Variants in PABPC4L observed in about 807,000 individuals in gnomAD.
PABPC4L encodes polyadenylate-binding protein 4-like.
For missense variants in PABPC4L, 452 were observed against 451.4 expected (o/e 1.00, Z -0.01); for synonymous variants, 169 against 164.1 (o/e 1.03, Z -0.23).
chr4:134,030,267 C>A, the PABPC4L span, among the ~76,000 whole-genome samples: 5 of 151,936 alleles, frequency 3.3e-5, no homozygotes, highest in Admixed American at 6.6e-5. Context: ...AGTTAGGAGG[C>A]CTCAGAAAAA....
chr4:134,054,986 G>T, the PABPC4L span, among the ~76,000 whole-genome samples: 1 of 151,982 alleles, frequency 6.6e-6, no homozygotes, highest in Non-Finnish European at 1.5e-5. Context: ...TACATTGTTG[G>T]CAGTGATGTT....
At chr4:134,181,320 TC>T in the PABPC4L span, among the ~76,000 whole-genome samples, 2 of 151,800 alleles carry the variant, frequency 1.3e-5, no homozygotes, top group Non-Finnish European at 2.9e-5. Context: ...AAATTTAATA[TC>T]CCTTTATGTT....
At chr4:134,017,191 CTAAT>C in the PABPC4L span, among the ~76,000 whole-genome samples, 12 of 152,222 alleles carry the variant, frequency 7.9e-5, no homozygotes, top group African/African-American at 2.9e-4. Flanking sequence ...ATAGAACAGA[CTAAT>C]GGTCTTTTAA....
chr4:134,021,181 A>T, the PABPC4L span, among the ~76,000 whole-genome samples: 1 of 152,146 alleles, frequency 6.6e-6, no homozygotes, highest in Non-Finnish European at 1.5e-5. Context: ...TATCACAATC[A>T]CATATACAGG....
At chr4:133,965,143 C>T in the PABPC4L span, among the ~76,000 whole-genome samples, 5 of 152,004 alleles carry the variant, frequency 3.3e-5, no homozygotes, top group African/African-American at 1.2e-4. Flanking sequence ...GATTAGTGTA[C>T]ACAAATGTAG....
chr4:133,997,358 C>T, the PABPC4L span, among the ~76,000 whole-genome samples: 2 of 151,840 alleles, frequency 1.3e-5, no homozygotes, highest in Admixed American at 6.6e-5. Context: ...CAAAATATTA[C>T]CTCTCATTTA....
At chr4:134,031,119 T>C in the PABPC4L span, among the ~76,000 whole-genome samples, 1 of 152,066 alleles carries the variant, frequency 6.6e-6, no homozygotes, top group Non-Finnish European at 1.5e-5. Flanking sequence ...TCTAATTTCA[T>C]AACAAGAAGG....
the PABPC4L span, among the ~76,000 whole-genome samples, chr4:133,959,208 T>C: frequency 3.9e-5 from 6 of 152,186 alleles, no homozygotes; most frequent in African/African-American, 1.4e-4. Context: ...TCACAGTAGA[T>C]AGTAATCAGC....
chr4:134,007,667 T>C, the PABPC4L span, among the ~76,000 whole-genome samples: 11 of 151,716 alleles, frequency 7.3e-5, no homozygotes, highest in South Asian at 6.2e-4. Context: ...ATTATCATCC[T>C]ATCTACTACA....
the PABPC4L span, among the ~76,000 whole-genome samples, chr4:134,077,076 A>G: frequency 3.3e-5 from 5 of 152,132 alleles, no homozygotes. Context: ...AAGGTTTGAC[A>G]TATTATTCTT....
the PABPC4L span, among the ~76,000 whole-genome samples, chr4:134,050,706 C>CAAAAAAAAAAAAAAA: frequency 2.3e-3 from 192 of 82,940 alleles, 2 homozygotes; most frequent in African/African-American, 3.0e-3. Context: ...CACCGTCTCC[C>CAAAAAAAAAAAAAAA]AAAAAAAAAA....
the PABPC4L span, among the ~76,000 whole-genome samples, chr4:134,046,251 G>T: frequency 6.6e-6 from 1 of 152,082 alleles, no homozygotes; most frequent in African/African-American, 2.4e-5. Flanking sequence ...GAAAACATGT[G>T]AGCAAAGGAA....
the PABPC4L span, among the ~76,000 whole-genome samples, chr4:134,115,205 A>T: frequency 6.6e-6 from 1 of 151,920 alleles, no homozygotes; most frequent in Non-Finnish European, 1.5e-5. Context: ...AAATGTATTT[A>T]TTCATTGTTT....
the PABPC4L span, among the ~76,000 whole-genome samples, chr4:134,000,595 A>C: frequency 6.6e-6 from 1 of 152,280 alleles, no homozygotes; most frequent in Admixed American, 6.5e-5. Context: ...ATAACTCATT[A>C]ACTTTTTTTC....
the PABPC4L span, among the ~76,000 whole-genome samples, chr4:134,124,324 C>A: frequency 1.3e-5 from 2 of 152,036 alleles, no homozygotes; most frequent in Admixed American, 1.3e-4. Flanking sequence ...TATCTAATAA[C>A]TACTAAAACA....
the PABPC4L span, among the ~76,000 whole-genome samples, chr4:134,172,799 T>TA: frequency 6.6e-6 from 1 of 151,844 alleles, no homozygotes; most frequent in South Asian, 2.1e-4. Flanking sequence ...CACAGAAATA[T>TA]AAAAAATATT....
At chr4:134,062,815 A>T in the PABPC4L span, among the ~76,000 whole-genome samples, 1 of 152,130 alleles carries the variant, frequency 6.6e-6, no homozygotes, top group Non-Finnish European at 1.5e-5. Flanking sequence ...TAATAAAAAC[A>T]AAAGTTAGGA....
At chr4:134,160,646 G>T in the PABPC4L span, among the ~76,000 whole-genome samples, 7 of 152,060 alleles carry the variant, frequency 4.6e-5, 2 homozygotes, top group Admixed American at 2.6e-4. Flanking sequence ...GGAGGTTGAT[G>T]TGAAAGGATT....
the PABPC4L span, among the ~76,000 whole-genome samples, chr4:134,137,294 T>G: frequency 2.0e-5 from 3 of 151,988 alleles, no homozygotes; most frequent in Admixed American, 2.0e-4. Flanking sequence ...AATAAGAATC[T>G]GGGATACTGT....
Sources: allele counts gnomAD v4.1 joint callset (sites outside exome capture counted in the v4.1 genomes callset), GRCh38; gene constraint gnomAD v4.1.1; transcripts MANE v1.5; gene names NCBI Gene and HGNC (gene_info 2026-07-23, HGNC 2026-07-21).